Variants in TMEM71 observed in about 807,000 individuals in gnomAD.
The protein encoded by TMEM71 is transmembrane protein 71.
TMEM71 carries 44 observed loss-of-function variants against 38.0 expected under a neutral mutation model. The ratio of observed to expected loss-of-function variants is 1.16; its 90% CI spans 0.91 to 1.49. The LOEUF is 1.49. Among genes scored for constraint, TMEM71 ranks in the 40% most tolerant of loss-of-function variants. The pLI, the probability that TMEM71 is intolerant of heterozygous loss-of-function variation, is 0.00. For missense variants in TMEM71, 367 were observed against 348.6 expected (o/e 1.05, Z -0.42); for synonymous variants, 133 against 122.5 (o/e 1.09, Z -0.56).
chr8:132,764,670 C>T (rs1439144911), upstream of TMEM71, among the ~76,000 whole-genome samples: 1 of 152,212 alleles, frequency 6.6e-6, no homozygotes, highest in Non-Finnish European at 1.5e-5. Flanking sequence ...CATCTCCCAT[C>T]TCTTTCTGAA....
downstream of TMEM71, among the ~76,000 whole-genome samples, chr8:132,707,044 G>T (rs984322404): frequency 1.3e-5 from 2 of 152,142 alleles, no homozygotes; most frequent in Non-Finnish European, 2.9e-5. Context: ...ACAGACATGC[G>T]ATCAGCAAAA....
intron 5 of TMEM71, among the ~76,000 whole-genome samples, chr8:132,742,941 G>T (rs891427827): frequency 6.6e-6 from 1 of 152,194 alleles, no homozygotes; most frequent in Non-Finnish European, 1.5e-5. Flanking sequence ...TACATGGATG[G>T]CAGCAGGGAA....
downstream of TMEM71, among the ~76,000 whole-genome samples, chr8:132,708,132 G>A (rs1036243340): frequency 2.0e-5 from 3 of 152,170 alleles, no homozygotes; most frequent in African/African-American, 7.2e-5. Flanking sequence ...CAGCAGACGT[G>A]GTTCTTTATA....
chr8:132,772,367 A>G, the TMEM71 span, among the ~76,000 whole-genome samples: 1 of 152,094 alleles, frequency 6.6e-6, no homozygotes, highest in Non-Finnish European at 1.5e-5. Flanking sequence ...ATATTTGGAG[A>G]TGGAGTGACT....
chr8:132,737,253 C>T (rs900896560), intron 5 of TMEM71, among the ~76,000 whole-genome samples: 2 of 152,114 alleles, frequency 1.3e-5, no homozygotes, highest in Admixed American at 1.3e-4. Context: ...TTTTAAGGAA[C>T]GTGGATTATA....
At position 132,715,409 on chromosome 8, in the gene TMEM71, CAAAAAAAAAA is replaced by C. The variant is rs975995287; in HGVS notation, c.753-1204_753-1195del. Among the ~76,000 whole-genome samples, 67 of 21,572 alleles carry C rather than the reference CAAAAAAAAAA, an allele frequency of 3.1e-3. 1 individual carries two copies. Among genetic ancestry groups the C allele is most frequent in the Non-Finnish European group, 5.4e-3 (50 of 9,198 alleles). 14.2% of individuals were successfully genotyped at this position (21,572 alleles called of 152,430 possible). On this transcript the variant is annotated intron_variant, in intron 7 of 9. Coordinates refer to ENST00000677595, the MANE Select transcript of TMEM71 (RefSeq NM_001382403.1). ...TGGGCGACAGAGCAAGACTCCGTCT[CAAAAAAAAAA>C]AAAAAAAAAAAAAAAAGAATGAAAA...
the TMEM71 span, among the ~76,000 whole-genome samples, chr8:132,770,178 A>G: frequency 2.4e-4 from 37 of 152,210 alleles, no homozygotes; most frequent in Non-Finnish European, 2.8e-4. Context: ...TTTGTCTCTC[A>G]TTTGGCTTGG....
intron 7 of TMEM71, among the ~76,000 whole-genome samples, chr8:132,715,096 A>G (rs1826432483): frequency 6.6e-6 from 1 of 152,182 alleles, no homozygotes; most frequent in Non-Finnish European, 1.5e-5. Flanking sequence ...AGAAACTCTC[A>G]TTCATTGCAG....
At chr8:132,706,824 C>A (rs977861661), downstream of TMEM71, among the ~76,000 whole-genome samples, 5 of 152,138 alleles carry the variant, frequency 3.3e-5, no homozygotes, top group African/African-American at 1.2e-4. Context: ...TCATCCTTTT[C>A]AATCTCTAAT....
intron 5 of TMEM71, among the ~76,000 whole-genome samples, chr8:132,731,953 C>T (rs909945750): frequency 1.3e-5 from 2 of 152,164 alleles, no homozygotes; most frequent in African/African-American, 2.4e-5. Flanking sequence ...AGAAGACCCC[C>T]AAGCCAGAGG....
Position 132,714,230 on chromosome 8 carries a change from T to C in TMEM71, c.753-15A>G. On this transcript the variant is annotated splice_polypyrimidine_tract_variant and intron_variant, in intron 7 of 9. Transcript: ENST00000677595. ...CCATAAACCATCTGAAACAACAAGATTGCTCTGATTTAGCATACTAATTGT... is the reference window on the plus strand; with the variant it reads ...CCATAAACCATCTGAAACAACAAGACTGCTCTGATTTAGCATACTAATTGT... 1 of 1,599,712 alleles carries C rather than the reference T, an allele frequency of 6.3e-7. No individual in the cohort carries two copies. Among genetic ancestry groups the C allele is most frequent in the Non-Finnish European group, 8.6e-7 (1 of 1,168,684 alleles).
chr8:132,741,987 TC>T (rs535004677), intron 5 of TMEM71, among the ~76,000 whole-genome samples: 40 of 152,330 alleles, frequency 2.6e-4, no homozygotes, highest in African/African-American at 9.6e-4. Context: ...GACGCTGGCG[TC>T]ACCACTAGAC....
At chr8:132,762,258 A>T (rs1240305434), upstream of TMEM71, among the ~76,000 whole-genome samples, 1 of 152,218 alleles carries the variant, frequency 6.6e-6, no homozygotes, top group Non-Finnish European at 1.5e-5. Context: ...ACAGACAGCT[A>T]TTCTGCTTCA....
intron 5 of TMEM71, among the ~76,000 whole-genome samples, chr8:132,735,277 C>T (rs566648567): frequency 1.3e-5 from 2 of 152,204 alleles, no homozygotes; most frequent in South Asian, 2.1e-4. Flanking sequence ...TGAGGACAAA[C>T]AAAACAGGCA....
At chr8:132,754,928 T>G (rs1828920532) in intron 3 of TMEM71, among the ~76,000 whole-genome samples, 3 of 152,206 alleles carry the variant, frequency 2.0e-5, no homozygotes. Context: ...TTACCCCTAT[T>G]AATAAATATG....
intron 7 of TMEM71, among the ~76,000 whole-genome samples, 174 bp from the exon 8 acceptor site, chr8:132,714,389 A>G (rs1334409449): frequency 1.3e-5 from 2 of 152,360 alleles, no homozygotes; most frequent in Non-Finnish European, 2.9e-5. Context: ...GAGAGTAGAC[A>G]GCCCAGAAGT....
chr8:132,730,048 T>C (rs1185027603), intron 5 of TMEM71, among the ~76,000 whole-genome samples: 1 of 151,798 alleles, frequency 6.6e-6, no homozygotes, highest in Non-Finnish European at 1.5e-5. Flanking sequence ...AACTTCCACC[T>C]CCTGGGTTCA....
At chr8:132,744,377 G>A (rs1336143047) in intron 5 of TMEM71, among the ~76,000 whole-genome samples, 1 of 152,068 alleles carries the variant, frequency 6.6e-6, no homozygotes, top group African/African-American at 2.4e-5. Flanking sequence ...TAATAACATT[G>A]TGTACACTGA....
At position 132,758,851 on chromosome 8, in the gene TMEM71, G is replaced by A; in HGVS notation, c.29C>T (p.Thr10Ile). 6.2e-7 allele frequency: 1 copy of A among 1,613,650 alleles called. No individual in the cohort carries two copies. Among genetic ancestry groups the A allele is most frequent in the East Asian group, 2.2e-5 (1 of 44,844 alleles). The change falls in exon 2 of 10, where the codon ACA becomes ATA. Residue 10 changes from threonine (T) to isoleucine (I), a missense_variant. Thr to Ile is a moderately conservative substitution (Grantham distance 89). Coordinates refer to ENST00000677595, the MANE Select transcript of TMEM71 (RefSeq NM_001382403.1). ...TCTTCTACATTTACTTGCTACTGGTGTTGACATCAGTTGAGATATTCGGTA... is the reference window on the plus strand; with the variant it reads ...TCTTCTACATTTACTTGCTACTGGTATTGACATCAGTTGAGATATTCGGTA... MYRISQLMS[T>I]PVASSSRLER...
Sources: allele counts gnomAD v4.1 joint callset (sites outside exome capture counted in the v4.1 genomes callset), GRCh38; gene constraint gnomAD v4.1.1; transcripts MANE v1.5; gene names NCBI Gene and HGNC (gene_info 2026-07-23, HGNC 2026-07-21).